DNAAF11: variants seen among roughly 807,000 people sequenced by gnomAD.
DNAAF11 encodes the protein leucine rich repeat containing 6.
DNAAF11 carries 45 observed loss-of-function variants against 60.8 expected under a neutral mutation model. The ratio of observed to expected loss-of-function variants is 0.74; its 90% CI spans 0.58 to 0.95. The LOEUF (loss-of-function observed/expected upper bound fraction) is 0.95, where lower values mean the gene tolerates loss of function less well. Among genes scored for constraint, DNAAF11 ranks in the 40% least tolerant of loss-of-function variants. The pLI, the probability that DNAAF11 is intolerant of heterozygous loss-of-function variation, is 0.00. For synonymous variants in DNAAF11, 191 were observed against 183.5 expected (o/e 1.04, Z -0.33); for missense variants, 546 against 546.2 (o/e 1.00, Z 0.00).
At chr8:132,573,107 T>C (rs1385727708) in intron 11 of DNAAF11, among the ~76,000 whole-genome samples, 1 of 152,144 alleles carries the variant, frequency 6.6e-6, no homozygotes, top group African/African-American at 2.4e-5. Context: ...TAGATATAGA[T>C]ATAGATACAG....
the DNAAF11 span, among the ~76,000 whole-genome samples, chr8:132,683,902 T>A: frequency 6.6e-5 from 10 of 152,280 alleles, no homozygotes; most frequent in African/African-American, 2.2e-4. Flanking sequence ...ACTTTGCTCA[T>A]ATGGTGAGGT....
At chr8:132,665,579 T>C (rs1824549261) in intron 1 of DNAAF11, among the ~76,000 whole-genome samples, 1 of 152,160 alleles carries the variant, frequency 6.6e-6, no homozygotes, top group Non-Finnish European at 1.5e-5. Flanking sequence ...TGGCTATTAT[T>C]ATGAAAGTCA....
At chr8:132,695,344 G>T in the DNAAF11 span, among the ~76,000 whole-genome samples, 1 of 151,960 alleles carries the variant, frequency 6.6e-6, no homozygotes, top group South Asian at 2.1e-4. Context: ...AGGAGGGAGG[G>T]GACAATTCCT....
At chr8:132,697,650 TAAAG>T in the DNAAF11 span, among the ~76,000 whole-genome samples, 2 of 150,318 alleles carry the variant, frequency 1.3e-5, no homozygotes, top group Non-Finnish European at 3.0e-5. Flanking sequence ...AAAATAAAAA[TAAAG>T]AAACTGATGG....
chr8:132,669,049 A>G (rs1338409988), intron 1 of DNAAF11, among the ~76,000 whole-genome samples: 1 of 152,216 alleles, frequency 6.6e-6, no homozygotes, highest in Non-Finnish European at 1.5e-5. Context: ...TGGGCAAGTC[A>G]GAAGGTTCAT....
chr8:132,635,274 C>A (rs1563659523), intron 4 of DNAAF11, among the ~76,000 whole-genome samples: 2 of 152,270 alleles, frequency 1.3e-5, no homozygotes, highest in Admixed American at 1.3e-4. Flanking sequence ...AGGATTCCTG[C>A]AGCACAAAGG....
In DNAAF11 at chr8:132,638,065, A is replaced by G. The variant is rs139008774; in HGVS notation, c.299T>C (p.Ile100Thr). Residue 100 changes from isoleucine (I) to threonine (T), a missense_variant, in exon 4 of 12, where the codon ATT becomes ACT. Coordinates refer to ENST00000620350, the MANE Select transcript of DNAAF11 (RefSeq NM_012472.6). ...LAKLDLTVNFIGELSSIKNLQ... is the reference protein window; with the variant it reads ...LAKLDLTVNFTGELSSIKNLQ... ...GTTTTTAATGCTGCTCAGCTCTCCA[A>G]TGAAATTCACAGTCAGGTCAAGTTT... 164 of 1,614,164 alleles carry G rather than the reference A, an allele frequency of 1.0e-4. No homozygotes were observed. Among genetic ancestry groups the G allele is most frequent in the Middle Eastern group, 3.3e-4 (2 of 6,062 alleles).
At chr8:132,678,912 G>A (rs7818569), upstream of DNAAF11, among the ~76,000 whole-genome samples, 112 of 152,168 alleles carry the variant, frequency 7.4e-4, no homozygotes, top group African/African-American at 2.5e-3. Context: ...ATATCTGTGG[G>A]ACTCAAGTAT....
chr8:132,667,599 T>C (rs114454890), intron 1 of DNAAF11, among the ~76,000 whole-genome samples: 1 of 152,330 alleles, frequency 6.6e-6, no homozygotes, highest in African/African-American at 2.4e-5. Context: ...AAATATAAGA[T>C]GCAGATGGTT....
chr8:132,694,950 T>C, the DNAAF11 span, among the ~76,000 whole-genome samples: 10 of 152,122 alleles, frequency 6.6e-5, no homozygotes, highest in Admixed American at 4.6e-4. Context: ...AAAAGAGATA[T>C]AAAATGAGTT....
chr8:132,591,490 T>C (rs984375424), intron 10 of DNAAF11, among the ~76,000 whole-genome samples: 5 of 151,964 alleles, frequency 3.3e-5, no homozygotes, highest in Non-Finnish European at 7.4e-5. Context: ...AAATTTCTCA[T>C]ATCTTTTGTG....
chr8:132,686,747 G>A, the DNAAF11 span, among the ~76,000 whole-genome samples: 1 of 152,156 alleles, frequency 6.6e-6, no homozygotes, highest in Non-Finnish European at 1.5e-5. Context: ...AGGAATCAAT[G>A]AAGCCTCCTA....
intron 10 of DNAAF11, among the ~76,000 whole-genome samples, chr8:132,600,910 A>G (rs1817546076): frequency 6.6e-6 from 1 of 152,248 alleles, no homozygotes; most frequent in Admixed American, 6.5e-5. Flanking sequence ...AACCAAAGCC[A>G]AAATTGACAA....
chr8:132,695,226 A>G, the DNAAF11 span, among the ~76,000 whole-genome samples: 1 of 152,180 alleles, frequency 6.6e-6, no homozygotes, highest in Non-Finnish European at 1.5e-5. Flanking sequence ...TTTTGCTGCT[A>G]CTGTAAGCAG....
chr8:132,601,094 C>G (rs968669351), intron 10 of DNAAF11, among the ~76,000 whole-genome samples: 1 of 152,144 alleles, frequency 6.6e-6, no homozygotes, highest in African/African-American at 2.4e-5. Context: ...TCAAACAACT[C>G]CATCAAAAAG....
chr8:132,644,264 T>C (rs992777984), intron 3 of DNAAF11, among the ~76,000 whole-genome samples: 5 of 152,228 alleles, frequency 3.3e-5, no homozygotes, highest in Middle Eastern at 3.4e-3. Flanking sequence ...AGGTAACTCA[T>C]ACAAATCTGC....
chr8:132,649,599 A>C (rs1486112114), intron 3 of DNAAF11, among the ~76,000 whole-genome samples: 2 of 152,190 alleles, frequency 1.3e-5, no homozygotes, highest in African/African-American at 4.8e-5. Flanking sequence ...AATGGGAGAA[A>C]ATTTTTACAA....
chr8:132,622,023 TG>T (rs1172685199), intron 7 of DNAAF11, among the ~76,000 whole-genome samples: 7 of 152,350 alleles, frequency 4.6e-5, no homozygotes, highest in Non-Finnish European at 1.0e-4. Context: ...GTAGGCTCTC[TG>T]GTCTGTATTT....
chr8:132,627,419 C>G (rs1820386215), intron 5 of DNAAF11, among the ~76,000 whole-genome samples: 1 of 152,056 alleles, frequency 6.6e-6, no homozygotes, highest in Non-Finnish European at 1.5e-5. Flanking sequence ...AGTGTATGAT[C>G]AAAAAAACTT....
Sources: gnomAD v4.1 joint callset for allele counts (sites outside exome capture counted in the v4.1 genomes callset) on GRCh38, gnomAD v4.1.1 for gene constraint, MANE v1.5 for transcripts, NCBI Gene and HGNC (gene_info 2026-07-23, HGNC 2026-07-21) for gene names.